The following LRBA variants were observed in gnomAD, a reference collection of about 807,000 sequenced individuals.
LRBA encodes lipopolysaccharide-responsive and beige-like anchor protein.
In LRBA, 176 loss-of-function variants were observed where a neutral mutation model predicts 330.0. The ratio of observed to expected loss-of-function variants is 0.53; its 90% CI spans 0.47 to 0.60. The LOEUF is 0.60. Ranked by LOEUF, LRBA falls within the 20% of genes least tolerant of loss-of-function variation. The pLI, the probability that LRBA is intolerant of heterozygous loss-of-function variation, is 0.00. For missense variants in LRBA, 3,259 were observed against 3,444.8 expected, an observed-to-expected ratio of 0.95 and a Z score of 1.35; for synonymous variants, 1,230 against 1,193.0, an observed-to-expected ratio of 1.03 and a Z score of -0.64.
At chr4:151,012,524 G>A (rs1437066654) in intron 2 of LRBA, among the ~76,000 whole-genome samples, 1 of 152,124 alleles carries the variant, frequency 6.6e-6, no homozygotes, top group African/African-American at 2.4e-5. Context: ...TTGAGGTAAA[G>A]CAATCAATTT....
intron 2 of LRBA, among the ~76,000 whole-genome samples, chr4:151,009,003 A>T (rs1426698776): frequency 4.8e-5 from 1 of 20,720 alleles, no homozygotes; most frequent in Non-Finnish European, 1.2e-4. Context: ...ATATATATAT[A>T]TATATATATA....
At chr4:150,537,519 A>G (rs1416319406) in intron 40 of LRBA, among the ~76,000 whole-genome samples, 2 of 152,254 alleles carry the variant, frequency 1.3e-5, no homozygotes, top group Admixed American at 6.5e-5. Flanking sequence ...GCACACCAAA[A>G]GAAACTATCA....
At chr4:150,708,182 T>G (rs565601262) in intron 36 of LRBA, among the ~76,000 whole-genome samples, 1 of 151,878 alleles carries the variant, frequency 6.6e-6, no homozygotes, top group South Asian at 2.1e-4. Context: ...TAAAAGGTAA[T>G]TGAATTTCCC....
chr4:150,311,552 AG>A (rs1472365199), intron 51 of LRBA, among the ~76,000 whole-genome samples: 4 of 152,330 alleles, frequency 2.6e-5, no homozygotes, highest in Non-Finnish European at 4.4e-5. Context: ...GGGGACACAG[AG>A]GACTGATGGA....
At chr4:150,878,430 G>A (rs1754309043) in intron 17 of LRBA, among the ~76,000 whole-genome samples, 1 of 151,784 alleles carries the variant, frequency 6.6e-6, no homozygotes, top group African/African-American at 2.4e-5. Flanking sequence ...CACACCTAGA[G>A]GAACTAGAAA....
chr4:150,581,843 G>A (rs1771388442), intron 40 of LRBA: 1 of 152,460 alleles, frequency 6.6e-6, no homozygotes, highest in Non-Finnish European at 1.5e-5. Flanking sequence ...AGCTCGGATA[G>A]CGATTGTAGG....
Position 150,828,684 on chromosome 4 carries a change from G to T in LRBA, c.4730-63C>A, listed in dbSNP as rs1000120381. Reference sequence around the variant, plus strand: ...AAAGTTTAGAACTAATTTTTAAAAGGTATATTCTGTTTTAATAGCTATCTA... The same window carrying T: ...AAAGTTTAGAACTAATTTTTAAAAGTTATATTCTGTTTTAATAGCTATCTA... On this transcript the variant is annotated intron_variant, in intron 29 of 56. Transcript: ENST00000651943. 4.3e-6 allele frequency: 6 copies of T among 1,396,098 alleles called. No individual in the cohort carries two copies. The African/African-American group carries it at 5.7e-5, about 13-fold the overall frequency. 86.5% of individuals were successfully genotyped at this position (1,396,098 alleles called of 1,614,324 possible).
chr4:150,566,083 G>C (rs754611831), intron 40 of LRBA, among the ~76,000 whole-genome samples: 32 of 148,310 alleles, frequency 2.2e-4, no homozygotes, highest in Non-Finnish European at 4.0e-4. Flanking sequence ...AAAAAATGTA[G>C]TCAGGCATGG....
chr4:150,627,438 A>G (rs1329660428), intron 37 of LRBA, among the ~76,000 whole-genome samples: 1 of 152,060 alleles, frequency 6.6e-6, no homozygotes, highest in Non-Finnish European at 1.5e-5. Context: ...ACACAAGGGT[A>G]GTTAATCTTG....
At chr4:150,862,653 G>A (rs1419758469) in intron 22 of LRBA, among the ~76,000 whole-genome samples, 1 of 146,802 alleles carries the variant, frequency 6.8e-6, no homozygotes, top group Non-Finnish European at 1.5e-5. Context: ...TTGTGTACAT[G>A]TACCCTAGAA....
intron 36 of LRBA, among the ~76,000 whole-genome samples, chr4:150,733,197 G>A (rs1730703838): frequency 6.6e-6 from 1 of 151,788 alleles, no homozygotes; most frequent in Admixed American, 6.6e-5. Context: ...TCTCTCTTTG[G>A]CTATAAAAGA....
intron 41 of LRBA, among the ~76,000 whole-genome samples, chr4:150,488,589 T>C (rs968998401): frequency 2.6e-5 from 4 of 151,436 alleles, no homozygotes; most frequent in Non-Finnish European, 5.9e-5. Flanking sequence ...TTTTTACCCA[T>C]TTAAAGAACA....
chr4:150,338,489 C>CTTTCAGCCTTTG, intron 48 of LRBA, among the ~76,000 whole-genome samples: 1 of 152,244 alleles, frequency 6.6e-6, no homozygotes, highest in East Asian at 1.9e-4. Flanking sequence ...CATCTACCTG[C>CTTTCAGCCTTTG]AAGTATCTTT....
chr4:150,906,439 A>T, intron 11 of LRBA, 34 bp from the exon 12 acceptor site: 1 of 1,181,660 alleles, frequency 8.5e-7, no homozygotes, highest in South Asian at 1.3e-5. Context: ...GATTAAAAAA[A>T]CATATTCTAT....
At chr4:151,012,829 GA>G (rs1364043012) in intron 2 of LRBA, 2 of 53,990 alleles carry the variant, frequency 3.7e-5, no homozygotes, top group Admixed American at 1.9e-4. Flanking sequence ...TTTTTTTTTT[GA>G]AACAGTCTCT....
intron 40 of LRBA, among the ~76,000 whole-genome samples, chr4:150,563,216 A>G (rs773319645): frequency 1.3e-5 from 2 of 152,176 alleles, no homozygotes; most frequent in Non-Finnish European, 2.9e-5. Flanking sequence ...CTGAAATATT[A>G]TAGTGTTAGA....
intron 2 of LRBA, among the ~76,000 whole-genome samples, chr4:150,994,719 T>A (rs1742455418): frequency 6.6e-6 from 1 of 152,202 alleles, no homozygotes; most frequent in Non-Finnish European, 1.5e-5. Flanking sequence ...AAGAGGGTCA[T>A]ACAGAGAACT....
At chr4:150,370,361 A>G (rs1393126059) in intron 47 of LRBA, among the ~76,000 whole-genome samples, 1 of 152,234 alleles carries the variant, frequency 6.6e-6, no homozygotes, top group Non-Finnish European at 1.5e-5. Flanking sequence ...AAATAAAAAG[A>G]AATGAGCTAT....
At chr4:150,421,131 G>A (rs1748709708) in intron 46 of LRBA, among the ~76,000 whole-genome samples, 1 of 92,840 alleles carries the variant, frequency 1.1e-5, no homozygotes, top group African/African-American at 4.0e-5. Flanking sequence ...TATATATAAA[G>A]TATATATAAT....
Sources: allele counts gnomAD v4.1 joint callset (sites outside exome capture counted in the v4.1 genomes callset), GRCh38; gene constraint gnomAD v4.1.1; transcripts MANE v1.5; gene names NCBI Gene and HGNC (gene_info 2026-07-23, HGNC 2026-07-21).